NKAIN3: variants seen among roughly 807,000 people sequenced by gnomAD.
The protein encoded by NKAIN3 is sodium/potassium transporting ATPase interacting 3.
NKAIN3 carries 25 observed loss-of-function variants against 30.2 expected under a neutral mutation model. That is an observed-to-expected ratio of 0.83 (90% confidence interval 0.60 to 1.16). The LOEUF (loss-of-function observed/expected upper bound fraction) is 1.16, where lower values mean the gene tolerates loss of function less well. Ranked by LOEUF, NKAIN3 falls within the 50% of genes most tolerant of loss-of-function variation. The probability of loss-of-function intolerance (pLI) is 0.00; values close to 1 mark genes in which losing one functional copy is unlikely to be tolerated. For missense variants in NKAIN3, 225 were observed against 254.1 expected (o/e 0.89, Z 0.78); for synonymous variants, 91 against 89.6 (o/e 1.02, Z -0.09).
At chr8:62,948,725 G>A (rs1473468108) in intron 5 of NKAIN3, among the ~76,000 whole-genome samples, 2 of 152,130 alleles carry the variant, frequency 1.3e-5, no homozygotes, top group Non-Finnish European at 2.9e-5. Flanking sequence ...ATTGTGTTAA[G>A]TTGCCATATT....
intron 1 of NKAIN3, among the ~76,000 whole-genome samples, chr8:62,507,507 A>G (rs1341792435): frequency 6.6e-6 from 1 of 152,136 alleles, no homozygotes; most frequent in Non-Finnish European, 1.5e-5. Context: ...ACATTCCCAA[A>G]TTTGTTACAT....
intron 1 of NKAIN3, among the ~76,000 whole-genome samples, chr8:62,345,574 CATATATGTATAT>C: frequency 6.9e-6 from 1 of 144,736 alleles, no homozygotes; most frequent in East Asian, 2.3e-4. Flanking sequence ...CATATATACA[CATATATGTATAT>C]ACACACATAT....
At chr8:62,580,266 CACTCCATTATAGG>C (rs1377435490) in intron 2 of NKAIN3, among the ~76,000 whole-genome samples, 1 of 152,152 alleles carries the variant, frequency 6.6e-6, no homozygotes, top group Non-Finnish European at 1.5e-5. Context: ...GGTCAGCACA[CACTCCATTATAGG>C]ACAGTTTAAT....
intron 1 of NKAIN3, among the ~76,000 whole-genome samples, chr8:62,463,041 T>G (rs1378702140): frequency 6.6e-6 from 1 of 152,226 alleles, no homozygotes; most frequent in Non-Finnish European, 1.5e-5. Context: ...GTTCAAATGT[T>G]ATAGCACTTC....
At chr8:62,763,255 A>C (rs939654120) in intron 4 of NKAIN3, among the ~76,000 whole-genome samples, 9 of 145,056 alleles carry the variant, frequency 6.2e-5, no homozygotes, top group Admixed American at 2.0e-4. Flanking sequence ...AAAAAAAAAA[A>C]AAAAAACTTA....
intron 3 of NKAIN3, among the ~76,000 whole-genome samples, chr8:62,655,696 T>C (rs1325994754): frequency 6.6e-6 from 1 of 152,080 alleles, no homozygotes; most frequent in Non-Finnish European, 1.5e-5. Flanking sequence ...TAGAGGAAGA[T>C]AAAGATGCCC....
intron 4 of NKAIN3, among the ~76,000 whole-genome samples, chr8:62,864,555 T>A (rs1820361854): frequency 6.6e-6 from 1 of 152,198 alleles, no homozygotes; most frequent in African/African-American, 2.4e-5. Flanking sequence ...AATTCAATAG[T>A]GAATTGCCAA....
At chr8:62,354,559 T>C (rs183344540) in intron 1 of NKAIN3, among the ~76,000 whole-genome samples, 144 of 152,296 alleles carry the variant, frequency 9.5e-4, no homozygotes, top group African/African-American at 3.2e-3. Flanking sequence ...TTCTCCTGCC[T>C]CAGCCTCCTG....
chr8:62,406,639 C>A (rs1349325947), intron 1 of NKAIN3, among the ~76,000 whole-genome samples: 1 of 152,082 alleles, frequency 6.6e-6, no homozygotes, highest in Non-Finnish European at 1.5e-5. Context: ...TATTTATATA[C>A]ATTGAGATAC....
chr8:62,951,651 C>T (rs756533335), intron 5 of NKAIN3, among the ~76,000 whole-genome samples: 19 of 151,870 alleles, frequency 1.3e-4, no homozygotes, highest in Non-Finnish European at 2.2e-4. Context: ...TTAATGGGGA[C>T]GGTGTTTCCC....
At chr8:62,690,261 A>G (rs1368682602) in intron 3 of NKAIN3, among the ~76,000 whole-genome samples, 1 of 152,044 alleles carries the variant, frequency 6.6e-6, no homozygotes, top group African/African-American at 2.4e-5. Flanking sequence ...CAACCGGGCC[A>G]TGCACCAATT....
intron 4 of NKAIN3, among the ~76,000 whole-genome samples, chr8:62,758,526 T>G (rs1222259935): frequency 1.3e-5 from 2 of 152,204 alleles, no homozygotes; most frequent in Non-Finnish European, 2.9e-5. Context: ...ATTAAAAGTA[T>G]AACTGCATTT....
chr8:62,774,878 T>G (rs1817139650), intron 4 of NKAIN3, among the ~76,000 whole-genome samples: 1 of 152,154 alleles, frequency 6.6e-6, no homozygotes, highest in South Asian at 2.1e-4. Flanking sequence ...TATTGATATG[T>G]TTTTGCCTGG....
chr8:62,562,907 G>A (rs953723563), intron 1 of NKAIN3, among the ~76,000 whole-genome samples: 2 of 152,106 alleles, frequency 1.3e-5, no homozygotes, highest in African/African-American at 4.8e-5. Flanking sequence ...AAGGTTCTTA[G>A]AGAAACTTTT....
intron 4 of NKAIN3, among the ~76,000 whole-genome samples, chr8:62,776,709 A>G (rs909535771): frequency 2.6e-5 from 4 of 152,048 alleles, no homozygotes; most frequent in Non-Finnish European, 5.9e-5. Context: ...TCATCTTTTA[A>G]TCTTTCTACT....
intron 1 of NKAIN3, among the ~76,000 whole-genome samples, chr8:62,497,673 C>A (rs2129656292): frequency 6.6e-6 from 1 of 152,038 alleles, no homozygotes; most frequent in South Asian, 2.1e-4. Flanking sequence ...AGGAGTGATC[C>A]AAAACATCCC....
intron 1 of NKAIN3, among the ~76,000 whole-genome samples, chr8:62,424,780 A>T (rs1386778124): frequency 6.6e-6 from 1 of 151,964 alleles, no homozygotes; most frequent in Non-Finnish European, 1.5e-5. Context: ...ATGATCCAGC[A>T]ATACCACTTC....
chr8:62,550,996 C>A (rs924892489), intron 1 of NKAIN3, among the ~76,000 whole-genome samples: 3 of 152,166 alleles, frequency 2.0e-5, no homozygotes, highest in Non-Finnish European at 4.4e-5. Flanking sequence ...TGGCTGAATT[C>A]TTTGCCTGTC....
intron 1 of NKAIN3, among the ~76,000 whole-genome samples, chr8:62,531,047 A>C (rs774525806): frequency 6.6e-6 from 1 of 152,106 alleles, no homozygotes; most frequent in Non-Finnish European, 1.5e-5. Flanking sequence ...CATAATGTTC[A>C]TATGTTTTCT....
Sources: allele counts gnomAD v4.1 joint callset (sites outside exome capture counted in the v4.1 genomes callset), GRCh38; gene constraint gnomAD v4.1.1; transcripts MANE v1.5; gene names NCBI Gene and HGNC (gene_info 2026-07-23, HGNC 2026-07-21).